RAP2A: variants seen among roughly 807,000 people sequenced by gnomAD.
RAP2A encodes the protein ras-related protein Rap-2a.
In RAP2A, 5 loss-of-function variants were observed where a neutral mutation model predicts 15.1. The ratio of observed to expected loss-of-function variants is 0.33; its 90% CI spans 0.17 to 0.70. RAP2A has a LOEUF of 0.70. Ranked by LOEUF, RAP2A falls within the 30% of genes least tolerant of loss-of-function variation. RAP2A has a pLI of 0.68. For synonymous variants in RAP2A, 110 were observed against 99.7 expected (o/e 1.10, Z -0.62); for missense variants, 111 against 240.3 (o/e 0.46, Z 3.56).
At chr13:97,458,429 G>A (rs2066733144) in intron 1 of RAP2A, among the ~76,000 whole-genome samples, 1 of 152,154 alleles carries the variant, frequency 6.6e-6, no homozygotes, top group South Asian at 2.1e-4. Flanking sequence ...TAAATGAAGG[G>A]AAGAAGGAAT....
chr13:97,442,847 A>C (rs2066663718), intron 1 of RAP2A, among the ~76,000 whole-genome samples: 1 of 152,224 alleles, frequency 6.6e-6, no homozygotes, highest in Non-Finnish European at 1.5e-5. Flanking sequence ...GTGAGTTAGT[A>C]AATACTACCT....
Position 97,464,392 on chromosome 13 carries a change from G to A in RAP2A, c.502G>A (p.Ala168Thr), listed in dbSNP as rs770482634. 55 of 1,614,096 alleles carry A rather than the reference G, an allele frequency of 3.4e-5. No individual in the cohort carries two copies. Among genetic ancestry groups the A allele is most frequent in the Non-Finnish European group, 4.6e-5 (54 of 1,180,034 alleles). The change falls in exon 2 of 2, where the codon GCT (alanine) becomes ACT (threonine). Residue 168 changes from alanine (A) to threonine (T), a missense_variant. Around this residue, in one of 3 missense-constraint regions of RAP2A, gnomAD observed 74 missense variants for 132.3 expected, o/e 0.56. Coordinates refer to ENST00000245304, the MANE Select transcript of RAP2A (RefSeq NM_021033.7). Reference protein sequence around the residue: ...AEIVRQMNYAAQPDKDDPCCS... With the variant: ...AEIVRQMNYATQPDKDDPCCS... ...AATTGTGAGGCAGATGAACTATGCT[G>A]CTCAGCCTGACAAAGATGACCCATG... is the stretch of plus-strand genomic sequence containing the variant.
intron 1 of RAP2A, among the ~76,000 whole-genome samples, chr13:97,441,403 A>G (rs908726651): frequency 3.9e-5 from 6 of 152,164 alleles, no homozygotes; most frequent in African/African-American, 1.4e-4. Flanking sequence ...AGAGCCAACA[A>G]AGTTGGAATC....
At chr13:97,448,635 G>T (rs1309004883) in intron 1 of RAP2A, among the ~76,000 whole-genome samples, 1 of 152,182 alleles carries the variant, frequency 6.6e-6, no homozygotes. Flanking sequence ...TCTAGATCCA[G>T]CTCTCTCTTG....
chr13:97,436,835 T>A (rs2066636211), intron 1 of RAP2A, among the ~76,000 whole-genome samples: 1 of 152,176 alleles, frequency 6.6e-6, no homozygotes, highest in South Asian at 2.1e-4. Flanking sequence ...TCACCAGAAT[T>A]CAACCGTTGT....
intron 1 of RAP2A, among the ~76,000 whole-genome samples, chr13:97,444,607 C>T (rs2066672254): frequency 1.3e-5 from 2 of 152,258 alleles, no homozygotes; most frequent in Admixed American, 1.3e-4. Flanking sequence ...GAACAAGATA[C>T]TATCTTTGTC....
intron 1 of RAP2A, chr13:97,437,752 G>A (rs142848096): frequency 6.6e-6 from 1 of 152,288 alleles, no homozygotes; most frequent in Non-Finnish European, 1.5e-5. Flanking sequence ...AGGATCTGAT[G>A]GAAAAGGGCA....
intron 1 of RAP2A, among the ~76,000 whole-genome samples, chr13:97,458,414 G>C (rs1237637604): frequency 6.6e-6 from 1 of 152,152 alleles, no homozygotes; most frequent in Admixed American, 6.5e-5. Flanking sequence ...TTTATCATTG[G>C]TGAATAAATG....
chr13:97,456,623 T>C (rs2066724163), intron 1 of RAP2A, among the ~76,000 whole-genome samples: 1 of 152,198 alleles, frequency 6.6e-6, no homozygotes, highest in Admixed American at 6.5e-5. Context: ...TGTTCTGATA[T>C]AATGTCAACA....
chr13:97,450,336 T>C (rs1187300419), intron 1 of RAP2A, among the ~76,000 whole-genome samples: 1 of 152,194 alleles, frequency 6.6e-6, no homozygotes, highest in East Asian at 1.9e-4. Flanking sequence ...ACTGACTCAA[T>C]TTAATCTTTT....
chr13:97,451,634 T>C (rs1780448820), intron 1 of RAP2A, among the ~76,000 whole-genome samples: 1 of 151,006 alleles, frequency 6.6e-6, no homozygotes, highest in South Asian at 2.1e-4. Flanking sequence ...AAGAACATTC[T>C]AGTACATATC....
In RAP2A at chr13:97,464,354, A is replaced by C. The variant is rs779154846; in HGVS notation, c.464A>C (p.Glu155Ala). The C allele has an allele frequency of 2.1e-5, 34 of 1,614,224 alleles. No individual in the cohort carries two copies. The highest frequency in any genetic ancestry group is 2.8e-5 in the Non-Finnish European group (33 of 1,180,042). The change falls in exon 2 of 2, where the codon GAA (glutamate) becomes GCA (alanine). Residue 155 changes from glutamate to alanine, a missense_variant. Glu to Ala is a moderately radical substitution (Grantham distance 107). Coordinates refer to ENST00000245304, the MANE Select transcript of RAP2A (RefSeq NM_021033.7). ...TSAKSKTMVD[E>A]LFAEIVRQMN... ...GCTAAGAGTAAAACAATGGTGGACG[A>C]ACTCTTTGCAGAAATTGTGAGGCAG...
At position 97,464,360 on chromosome 13, in the gene RAP2A, T is replaced by C; in HGVS notation, c.470T>C (p.Phe157Ser). The stretch of plus-strand genomic sequence containing the variant: ...AGTAAAACAATGGTGGACGAACTCT[T>C]TGCAGAAATTGTGAGGCAGATGAAC... ...AKSKTMVDEL[F>S]AEIVRQMNYA... is the part of the protein sequence containing the mutation. Residue 157 changes from phenylalanine to serine, a missense_variant, in exon 2 of 2, where the codon TTT becomes TCT. Physicochemically the swap from Phe to Ser is radical, Grantham distance 155. Transcript: ENST00000245304. 1 of 1,614,218 alleles carries C rather than the reference T, an allele frequency of 6.2e-7. No homozygotes were observed.
At chr13:97,443,465 G>A (rs1359250942) in intron 1 of RAP2A, among the ~76,000 whole-genome samples, 2 of 152,182 alleles carry the variant, frequency 1.3e-5, no homozygotes, top group East Asian at 3.9e-4. Context: ...AGAGCTTACT[G>A]CAGCCTCTAA....
chr13:97,457,205 C>T lies in RAP2A; in HGVS notation c.315-7000C>T, dbSNP rs369420357. Among the ~76,000 whole-genome samples the T allele has an allele frequency of 2.6e-5, 4 of 151,888 alleles. No individual in the cohort carries two copies. The East Asian group carries it at 7.7e-4, about 29-fold the overall frequency. On this transcript the variant is annotated intron_variant, in intron 1 of 1. Transcript: ENST00000245304. ...TAAGCTAGGAATATGATTTTTCTGG[C>T]TCAAAAGGTATGCAAAAGATTATAG...
chr13:97,443,482 G>A (rs2066666487), intron 1 of RAP2A, among the ~76,000 whole-genome samples: 1 of 152,068 alleles, frequency 6.6e-6, no homozygotes, highest in Admixed American at 6.6e-5. Flanking sequence ...CTAACTCCTG[G>A]GCTCAAGCAA....
chr13:97,449,198 T>G (rs1176671178), intron 1 of RAP2A, among the ~76,000 whole-genome samples: 1 of 152,200 alleles, frequency 6.6e-6, no homozygotes, highest in African/African-American at 2.4e-5. Flanking sequence ...GGCTTTTAGC[T>G]AGTCGCTGTA....
chr13:97,445,094 A>G (rs2066674192), intron 1 of RAP2A, among the ~76,000 whole-genome samples: 1 of 152,190 alleles, frequency 6.6e-6, no homozygotes, highest in South Asian at 2.1e-4. Context: ...TGGAGCCATC[A>G]TGACCGAATC....
intron 1 of RAP2A, among the ~76,000 whole-genome samples, chr13:97,460,149 C>T (rs1386830338): frequency 6.6e-6 from 1 of 152,194 alleles, no homozygotes. Flanking sequence ...AGTAGTGGCT[C>T]CGCTTGTAGA....
Sources: gnomAD v4.1 joint callset for allele counts (sites outside exome capture counted in the v4.1 genomes callset) on GRCh38, gnomAD v4.1.1 for gene constraint, gnomAD v4.1.1 regional missense constraint, MANE v1.5 for transcripts, NCBI Gene and HGNC (gene_info 2026-07-23, HGNC 2026-07-21) for gene names.